The following UBR1 variants were observed in gnomAD, a reference collection of about 807,000 sequenced individuals.
UBR1 encodes the protein ubiquitin protein ligase E3 component n-recognin 1.
UBR1 carries 102 observed loss-of-function variants against 242.1 expected under a neutral mutation model. That is an observed-to-expected ratio of 0.42 (90% CI 0.36 to 0.50). The LOEUF (loss-of-function observed/expected upper bound fraction) is 0.50. Among genes scored for constraint, UBR1 ranks in the 20% least tolerant of loss-of-function variants. The pLI is 0.01. For missense variants in UBR1, 1,772 were observed against 2,101.8 expected (o/e 0.84, Z 3.07); for synonymous variants, 675 against 684.8 (o/e 0.99, Z 0.22).
intron 29 of UBR1, among the ~76,000 whole-genome samples, chr15:43,012,240 A>C (rs975640670): frequency 6.6e-6 from 1 of 151,956 alleles, no homozygotes; most frequent in Non-Finnish European, 1.5e-5. Flanking sequence ...AAAAAAAAAA[A>C]AGAATCTACA....
chr15:43,010,922 G>A (rs749328782), intron 29 of UBR1, among the ~76,000 whole-genome samples: 12 of 151,780 alleles, frequency 7.9e-5, no homozygotes, highest in Non-Finnish European at 1.0e-4. Flanking sequence ...CCCAGGAGGC[G>A]GAGGTTGCAG....
At chr15:42,973,982 G>A (rs979291971) in intron 39 of UBR1, among the ~76,000 whole-genome samples, 1 of 143,796 alleles carries the variant, frequency 7.0e-6, no homozygotes, top group Non-Finnish European at 1.5e-5. Flanking sequence ...TCCACCTCCC[G>A]GGTTCACGCC....
At position 43,007,210 on chromosome 15, in the gene UBR1, A is replaced by C. The variant is rs775523272; in HGVS notation, c.3284T>G (p.Val1095Gly). The change falls in exon 30 of 47, where the codon GTG (valine) becomes GGG (glycine). Residue 1095 changes from valine (V) to glycine (G), a missense_variant. Coordinates refer to ENST00000290650, the MANE Select transcript of UBR1 (RefSeq NM_174916.3). The part of the protein sequence containing the change: ...KRGPSVTEKE[V>G]LTCILCQEEQ... The stretch of plus-strand genomic sequence containing the variant: ...TTCTTGGCAAAGGATGCACGTCAGC[A>C]CCTCCTTTTCAGTAACAGATGGACC... The C allele has an allele frequency of 6.2e-7, 1 of 1,614,022 alleles. No individual in the cohort carries two copies. The highest frequency in any genetic ancestry group is 1.3e-5 in the African/African-American group (1 of 74,980).
At chr15:43,001,389 C>T (rs1018715723) in intron 32 of UBR1, among the ~76,000 whole-genome samples, 2 of 152,142 alleles carry the variant, frequency 1.3e-5, no homozygotes, top group Non-Finnish European at 2.9e-5. Flanking sequence ...CCTCGTGATC[C>T]GCCCACCTCG....
chr15:42,950,224 C>G (rs984496087), intron 46 of UBR1, 38 bp downstream of exon 46: 1 of 1,515,466 alleles, frequency 6.6e-7, no homozygotes, highest in Admixed American at 1.7e-5. Context: ...TAAAAGAGAA[C>G]TTACTGAAAC....
Position 43,001,686 on chromosome 15 carries a change from A to C in UBR1, c.3659+869T>G, listed in dbSNP as rs183420239. ...AAATTTCCAAGATGTTATACAAAAAATAATAATTTGCTGTTAATTCCATTT... is the reference window on the plus strand; with the variant it reads ...AAATTTCCAAGATGTTATACAAAAACTAATAATTTGCTGTTAATTCCATTT... On this transcript the variant is annotated intron_variant, in intron 32 of 46. Transcript: ENST00000290650. 5.6e-3 allele frequency among the ~76,000 whole-genome samples: 860 copies of C among 152,330 alleles called. 7 individuals are homozygous for C. The highest frequency in any genetic ancestry group is 0.02 in the African/African-American group (827 of 41,562).
chr15:43,007,849 T>G (rs1358731524), intron 29 of UBR1, among the ~76,000 whole-genome samples: 1 of 152,202 alleles, frequency 6.6e-6, no homozygotes, highest in East Asian at 1.9e-4. Flanking sequence ...GTATGTGCCA[T>G]AATAGTTTTT....
chr15:43,099,641 T>C (rs1250396298), intron 1 of UBR1, among the ~76,000 whole-genome samples: 2 of 152,322 alleles, frequency 1.3e-5, no homozygotes, highest in African/African-American at 2.4e-5. Context: ...ACTTCCTCTC[T>C]ACCTCAGTGT....
chr15:42,981,952 T>C lies in UBR1; in HGVS notation c.4150+1945A>G, dbSNP rs952978999. Among the ~76,000 whole-genome samples, 30 of 152,244 alleles carry C rather than the reference T, an allele frequency of 2.0e-4. 1 individual carries two copies. The highest frequency in any genetic ancestry group is 6.0e-4 in the African/African-American group (25 of 41,466). ...AAACTTTCATATATAGGCATAAAGCTACACTACATAAATTCCTCCAGTATT... is the reference window on the plus strand; with the variant it reads ...AAACTTTCATATATAGGCATAAAGCCACACTACATAAATTCCTCCAGTATT... On this transcript the variant is annotated intron_variant, in intron 37 of 46. Transcript: ENST00000290650.
intron 1 of UBR1, among the ~76,000 whole-genome samples, chr15:43,103,033 T>C (rs939669462): frequency 4.6e-5 from 7 of 152,134 alleles, no homozygotes; most frequent in Non-Finnish European, 8.8e-5. Context: ...CCAGGTGTGG[T>C]GGAACACACC....
intron 3 of UBR1, among the ~76,000 whole-genome samples, chr15:43,080,331 T>C (rs558698654): frequency 2.6e-5 from 4 of 152,318 alleles, no homozygotes; most frequent in African/African-American, 9.6e-5. Context: ...GTGAGCCAGA[T>C]TTGACCCACA....
At chr15:43,003,716 G>T in intron 31 of UBR1, 121 bp downstream of exon 31, 1 of 956,594 alleles carries the variant, frequency 1.0e-6, no homozygotes. Context: ...AATTAAAACT[G>T]TTTCAATTAT....
chr15:43,041,235 C>T (rs1433433460), intron 15 of UBR1, among the ~76,000 whole-genome samples: 2 of 152,272 alleles, frequency 1.3e-5, no homozygotes, highest in South Asian at 2.1e-4. Flanking sequence ...AAATGTGGCA[C>T]ATATACACCA....
chr15:43,071,085 T>C lies in UBR1; in HGVS notation c.529-160A>G, dbSNP rs1279552074. Among the ~76,000 whole-genome samples the C allele has an allele frequency of 2.0e-5, 3 of 152,332 alleles. No homozygotes were observed. In the East Asian group the frequency reaches 5.8e-4, roughly 29 times the overall value. On this transcript the variant is annotated intron_variant, in intron 4 of 46. Transcript: ENST00000290650. ...TCAAGAGGGTTGCTATATATTTAGATCAGTTTAGCTTAACCCCTTGTGGCC... is the reference window on the plus strand; with the variant it reads ...TCAAGAGGGTTGCTATATATTTAGACCAGTTTAGCTTAACCCCTTGTGGCC...
chr15:42,989,047 C>G, intron 34 of UBR1, 80 bp from the exon 35 acceptor site: 1 of 1,238,070 alleles, frequency 8.1e-7, no homozygotes, highest in Admixed American at 1.8e-5. Flanking sequence ...CCTGAAGCAA[C>G]AGAAACAATT....
At chr15:43,030,859 C>T (rs1269724145) in intron 20 of UBR1, among the ~76,000 whole-genome samples, 1 of 152,216 alleles carries the variant, frequency 6.6e-6, no homozygotes, top group African/African-American at 2.4e-5. Flanking sequence ...ATGAATTCTA[C>T]AAATTTGCCA....
At chr15:42,982,343 G>C (rs1436991204) in intron 37 of UBR1, among the ~76,000 whole-genome samples, 1 of 152,134 alleles carries the variant, frequency 6.6e-6, no homozygotes, top group African/African-American at 2.4e-5. Context: ...CTGTTCAACA[G>C]AAAGAGGTCC....
chr15:42,966,253 C>A lies in UBR1; in HGVS notation c.4491G>T (p.Leu1497Phe). 6.2e-7 allele frequency: 1 copy of A among 1,614,108 alleles called. No individual in the cohort carries two copies. The highest frequency in any genetic ancestry group is 8.5e-7 in the Non-Finnish European group (1 of 1,180,034). ...SIGCDIPGWY[L>F]WVSLKNGITP... ...TGATGCCATTCTTCAGTGAGACCCA[C>A]AAATACCAGCCAGGAATATCACACC... Residue 1497 changes from leucine (L) to phenylalanine (F), a missense_variant, in exon 41 of 47, where the codon TTG (leucine) becomes TTT (phenylalanine). Transcript: ENST00000290650.
chr15:43,048,617 G>T, intron 12 of UBR1, 126 bp from the exon 13 acceptor site: 1 of 731,124 alleles, frequency 1.4e-6, no homozygotes, highest in Non-Finnish European at 2.3e-6. Flanking sequence ...ATAATTAGAA[G>T]CTCTGAGTAG....
Sources: allele counts gnomAD v4.1 joint callset (sites outside exome capture counted in the v4.1 genomes callset), GRCh38; gene constraint gnomAD v4.1.1; transcripts MANE v1.5; gene names NCBI Gene and HGNC (gene_info 2026-07-23, HGNC 2026-07-21).